The following IRAK4 variants were observed in gnomAD, a reference collection of about 807,000 sequenced individuals.
IRAK4 encodes the protein interleukin 1 receptor associated kinase 4, also known as interleukin-1 receptor-associated kinase 4.
A neutral mutation model predicts 51.8 loss-of-function variants in IRAK4; 44 were observed. The observed-to-expected ratio is 0.85, with a 90% CI of 0.67 to 1.09. The LOEUF is 1.09. Ranked by LOEUF, IRAK4 falls within the 50% of genes least tolerant of loss-of-function variation. The probability of loss-of-function intolerance (pLI) is 0.00; values close to 1 mark genes in which losing one functional copy is unlikely to be tolerated. For synonymous variants in IRAK4, 149 were observed against 174.1 expected (o/e 0.86, Z 1.13); for missense variants, 487 against 538.0 (o/e 0.91, Z 0.94).
At chr12:43,775,736 G>T (rs934771543) in intron 6 of IRAK4, among the ~76,000 whole-genome samples, 3 of 151,934 alleles carry the variant, frequency 2.0e-5, no homozygotes, top group African/African-American at 7.3e-5. Flanking sequence ...CCTAGAAAAA[G>T]AATTACTAGG....
intron 1 of IRAK4, chr12:43,763,367 A>T (rs980741553): frequency 5.3e-5 from 8 of 152,238 alleles, no homozygotes; most frequent in Non-Finnish European, 8.8e-5. Flanking sequence ...AGAAGCAGAT[A>T]CAAGAATTCA....
intron 1 of IRAK4, among the ~76,000 whole-genome samples, chr12:43,762,945 T>C (rs1939723616): frequency 6.6e-6 from 1 of 152,216 alleles, no homozygotes; most frequent in Non-Finnish European, 1.5e-5. Context: ...GAGGTTTCTC[T>C]CTATTCAAGG....
rs1941861668 is a variant in IRAK4 at position 43,782,459 on chromosome 12, C to T, written c.1094C>T (p.Thr365Ile). Reference sequence around the variant, plus strand: ...CCAGAAGCTTTGCGTGGAGAAATAACACCCAAATCTGATATTTACAGCTTT... The same window carrying T: ...CCAGAAGCTTTGCGTGGAGAAATAATACCCAAATCTGATATTTACAGCTTT... Reference protein sequence around the residue: ...MAPEALRGEITPKSDIYSFGV... With the variant: ...MAPEALRGEIIPKSDIYSFGV... Residue 365 changes from threonine (T) to isoleucine (I), a missense_variant, in exon 9 of 12, where the codon ACA becomes ATA. Transcript: ENST00000613694. 6.2e-7 allele frequency: 1 copy of T among 1,613,710 alleles called. No individual in the cohort carries two copies. The highest frequency in any genetic ancestry group is 8.5e-7 in the Non-Finnish European group (1 of 1,179,654).
At chr12:43,771,406 A>G (rs1255199551) in intron 3 of IRAK4, 41 bp downstream of exon 3, 1 of 1,599,816 alleles carries the variant, frequency 6.3e-7, no homozygotes, top group Non-Finnish European at 8.6e-7. Context: ...TTAGGGTGGA[A>G]AGACAAATGG....
intron 8 of IRAK4, among the ~76,000 whole-genome samples, chr12:43,780,202 TTTA>T (rs1941654062): frequency 6.6e-6 from 1 of 152,158 alleles, no homozygotes; most frequent in Admixed American, 6.5e-5. Flanking sequence ...TAGTAGTTGG[TTTA>T]GAAATCACAT....
chr12:43,762,811 C>CT (rs1018748416), intron 1 of IRAK4, among the ~76,000 whole-genome samples: 1 of 152,146 alleles, frequency 6.6e-6, no homozygotes, highest in African/African-American at 2.4e-5. Context: ...GTGGGCTATT[C>CT]TTTTACCTGG....
intron 8 of IRAK4, among the ~76,000 whole-genome samples, chr12:43,779,420 G>A (rs544385536): frequency 9.2e-5 from 14 of 152,260 alleles, no homozygotes; most frequent in East Asian, 1.9e-4. Flanking sequence ...ATGAGATGCC[G>A]TTGAAAATTT....
chr12:43,758,960 G>A lies in IRAK4; in HGVS notation c.-66G>A, dbSNP rs570128219. 1.3e-3 allele frequency: 199 copies of A among 154,696 alleles called. 1 individual carries two copies. Among genetic ancestry groups the A allele is most frequent in the South Asian group, 5.1e-3 (25 of 4,856 alleles). The allele number at this position is 154,696 out of a possible 1,614,324, so 9.6% of individuals were successfully genotyped here. ...CCGGCAGGCCCCGCCCCTTCGCGGC[G>A]CTTCCTAGTTCGGCTGGTTCTTCTG... is the stretch of plus-strand genomic sequence containing the variant. On this transcript the variant is annotated 5_prime_UTR_variant, in exon 1 of 12. Coordinates refer to ENST00000613694, the MANE Select transcript of IRAK4 (RefSeq NM_016123.4).
intron 5 of IRAK4, among the ~76,000 whole-genome samples, chr12:43,773,372 G>A (rs971383038): frequency 6.6e-6 from 1 of 152,050 alleles, no homozygotes; most frequent in African/African-American, 2.4e-5. Context: ...GATTAAAATG[G>A]TAAGATACCA....
intron 1 of IRAK4, among the ~76,000 whole-genome samples, chr12:43,764,499 A>T (rs1939913371): frequency 6.6e-6 from 1 of 152,238 alleles, no homozygotes; most frequent in Non-Finnish European, 1.5e-5. Context: ...CGATAACACC[A>T]GCCATTTGGG....
chr12:43,780,814 G>A (rs1000989218), intron 8 of IRAK4, among the ~76,000 whole-genome samples: 4 of 151,958 alleles, frequency 2.6e-5, no homozygotes, highest in East Asian at 1.9e-4. Context: ...CAGGTGATCC[G>A]CCCGCCTTGG....
chr12:43,771,620 T>A (rs1940772822), intron 3 of IRAK4, among the ~76,000 whole-genome samples: 1 of 152,210 alleles, frequency 6.6e-6, no homozygotes, highest in African/African-American at 2.4e-5. Flanking sequence ...AAGGAAAGAC[T>A]TCATACTTCT....
intron 6 of IRAK4, among the ~76,000 whole-genome samples, chr12:43,776,043 G>A (rs1220826041): frequency 6.6e-6 from 1 of 151,662 alleles, no homozygotes; most frequent in Non-Finnish European, 1.5e-5. Context: ...CACCATGCCC[G>A]GCTAATTTTG....
At chr12:43,782,172 G>A in intron 8 of IRAK4, 135 bp from the exon 9 acceptor site, 1 of 667,998 alleles carries the variant, frequency 1.5e-6, no homozygotes. Context: ...GTTACACTCT[G>A]TAAATATGTA....
At chr12:43,777,609 A>G (rs1036509087) in intron 6 of IRAK4, 21 bp from the exon 7 acceptor site, 9 of 1,590,058 alleles carry the variant, frequency 5.7e-6, no homozygotes, top group Non-Finnish European at 7.7e-6. Context: ...ATAATTTTGC[A>G]TGAAAAATTA....
At position 43,777,511 on chromosome 12, in the gene IRAK4, T is replaced by C. The variant is rs538232055; in HGVS notation, c.717-119T>C. On this transcript the variant is annotated intron_variant, in intron 6 of 11. Transcript: ENST00000613694. Reference sequence around the variant, plus strand: ...ATAAACATAAACATCAAGTTAGAAATAATATATAACATACTATTTTTTTGC... The same window carrying C: ...ATAAACATAAACATCAAGTTAGAAACAATATATAACATACTATTTTTTTGC... 7.3e-5 allele frequency: 59 copies of C among 812,680 alleles called. 1 individual carries two copies. The African/African-American group carries it at 9.5e-4, about 13-fold the overall frequency. The allele number at this position is 812,680 out of a possible 1,614,324, so 50.3% of individuals were successfully genotyped here.
At chr12:43,778,379 A>G in intron 8 of IRAK4, 77 bp downstream of exon 8, 1 of 815,798 alleles carries the variant, frequency 1.2e-6, no homozygotes, top group Non-Finnish European at 2.2e-6. Flanking sequence ...CACGATTCAT[A>G]TGCAGGTCTT....
chr12:43,783,159 G>T (rs1236852224), intron 9 of IRAK4, among the ~76,000 whole-genome samples: 1 of 151,910 alleles, frequency 6.6e-6, no homozygotes, highest in Non-Finnish European at 1.5e-5. Flanking sequence ...CCTGAAGGAG[G>T]GATGGTGAGA....
intron 6 of IRAK4, among the ~76,000 whole-genome samples, chr12:43,777,096 T>A (rs1941344527): frequency 6.6e-6 from 1 of 152,168 alleles, no homozygotes; most frequent in South Asian, 2.1e-4. Context: ...TACTGTAAAA[T>A]AGAAAGAGGT....
Sources: gnomAD v4.1 joint callset for allele counts (sites outside exome capture counted in the v4.1 genomes callset) on GRCh38, gnomAD v4.1.1 for gene constraint, MANE v1.5 for transcripts, NCBI Gene and HGNC (gene_info 2026-07-23, HGNC 2026-07-21) for gene names.